Variants in DPYD observed in about 807,000 individuals in gnomAD.
DPYD encodes the protein dihydropyrimidine dehydrogenase, also known as dihydropyrimidine dehydrogenase [NADP(+)].
In DPYD, 109 loss-of-function variants were observed where a neutral mutation model predicts 116.2. The ratio of observed to expected loss-of-function variants is 0.94; its 90% CI spans 0.80 to 1.10. The LOEUF (loss-of-function observed/expected upper bound fraction) is 1.10, where lower values mean the gene tolerates loss of function less well. Among genes scored for constraint, DPYD ranks in the 50% least tolerant of loss-of-function variants. The pLI is 0.00. For missense variants in DPYD, 1,302 were observed against 1,254.5 expected, an observed-to-expected ratio of 1.04 and a Z score of -0.57; for synonymous variants, 440 against 432.0, an observed-to-expected ratio of 1.02 and a Z score of -0.23.
chr1:97,898,538 A>G (rs1673196013), intron 1 of DPYD, among the ~76,000 whole-genome samples: 1 of 151,918 alleles, frequency 6.6e-6, no homozygotes, highest in Non-Finnish European at 1.5e-5. Flanking sequence ...CTTGATAGCC[A>G]GTATCTTAAA....
chr1:97,771,064 T>A (rs1666114831), intron 3 of DPYD, among the ~76,000 whole-genome samples: 2 of 152,094 alleles, frequency 1.3e-5, no homozygotes, highest in Non-Finnish European at 2.9e-5. Context: ...ATGCCTGTAA[T>A]CCCAGTACTT....
chr1:97,851,725 A>T (rs1303224039), intron 2 of DPYD, among the ~76,000 whole-genome samples: 1 of 151,018 alleles, frequency 6.6e-6, no homozygotes, highest in Non-Finnish European at 1.5e-5. Context: ...AAAAAAAAAG[A>T]AACTGGGCTC....
At chr1:97,297,990 T>C (rs552549198) in intron 18 of DPYD, among the ~76,000 whole-genome samples, 39 of 152,274 alleles carry the variant, frequency 2.6e-4, no homozygotes, top group Admixed American at 1.1e-3. Flanking sequence ...TATTCCCTAC[T>C]CTGAGACCTC....
At chr1:97,670,930 T>A (rs1477151764) in intron 8 of DPYD, among the ~76,000 whole-genome samples, 2 of 152,292 alleles carry the variant, frequency 1.3e-5, no homozygotes, top group East Asian at 3.9e-4. Flanking sequence ...GTAAAATATG[T>A]CTTTATTCCA....
intron 10 of DPYD, among the ~76,000 whole-genome samples, chr1:97,584,544 G>C (rs1279132893): frequency 2.0e-5 from 3 of 151,836 alleles, no homozygotes; most frequent in Admixed American, 6.6e-5. Context: ...ATGGTTTTAG[G>C]TCTAACATGT....
chr1:97,653,768 T>G (rs1213050818), intron 8 of DPYD, among the ~76,000 whole-genome samples: 4 of 152,126 alleles, frequency 2.6e-5, no homozygotes, highest in Non-Finnish European at 5.9e-5. Context: ...CTGCAATATT[T>G]TTGTACTAAG....
chr1:97,320,167 T>C (rs915555169), intron 16 of DPYD, among the ~76,000 whole-genome samples: 4 of 125,148 alleles, frequency 3.2e-5, no homozygotes, highest in African/African-American at 1.2e-4. Context: ...CTTTGAAAAC[T>C]GGCACAAGAC....
intron 15 of DPYD, among the ~76,000 whole-genome samples, chr1:97,375,347 A>G (rs1440328013): frequency 6.6e-6 from 1 of 152,136 alleles, no homozygotes; most frequent in Non-Finnish European, 1.5e-5. Context: ...GTGAATTTTA[A>G]GTAGGACCTC....
intron 20 of DPYD, among the ~76,000 whole-genome samples, chr1:97,181,412 C>A (rs1307131584): frequency 6.6e-6 from 1 of 152,086 alleles, no homozygotes; most frequent in African/African-American, 2.4e-5. Context: ...TCCCTTCTGC[C>A]TATTTTAGGA....
intron 13 of DPYD, among the ~76,000 whole-genome samples, chr1:97,508,593 T>G (rs950594740): frequency 1.3e-5 from 2 of 152,014 alleles, no homozygotes; most frequent in Non-Finnish European, 2.9e-5. Context: ...AAGTCCTCAG[T>G]GTAAATGCTC....
intron 3 of DPYD, among the ~76,000 whole-genome samples, chr1:97,788,052 A>G (rs1667132233): frequency 6.6e-6 from 1 of 152,148 alleles, no homozygotes; most frequent in African/African-American, 2.4e-5. Context: ...AAACCCTCCC[A>G]TCCCTGTATG....
At chr1:97,195,683 T>TGC (rs1658752784) in intron 19 of DPYD, among the ~76,000 whole-genome samples, 1 of 98,542 alleles carries the variant, frequency 1.0e-5, no homozygotes, top group Admixed American at 1.3e-4. Context: ...TATATATATA[T>TGC]ATATATGCCT....
chr1:97,367,125 G>T (rs1671080211), intron 16 of DPYD, among the ~76,000 whole-genome samples: 2 of 152,030 alleles, frequency 1.3e-5, no homozygotes, highest in South Asian at 2.1e-4. Flanking sequence ...GGAAATTCTA[G>T]CACATCTGGG....
intron 16 of DPYD, among the ~76,000 whole-genome samples, chr1:97,342,085 ATG>A (rs1558042382): frequency 6.6e-6 from 1 of 152,238 alleles, no homozygotes; most frequent in Non-Finnish European, 1.5e-5. Context: ...TCTTGAGTCA[ATG>A]AATTTATTTC....
chr1:97,835,294 G>A (rs759336790), intron 2 of DPYD, among the ~76,000 whole-genome samples: 1 of 152,006 alleles, frequency 6.6e-6, no homozygotes, highest in Non-Finnish European at 1.5e-5. Context: ...CAATGAAGAT[G>A]ATGAAAGTAA....
At chr1:97,323,292 A>ACG (rs1668431315) in intron 16 of DPYD, among the ~76,000 whole-genome samples, 1 of 148,164 alleles carries the variant, frequency 6.7e-6, no homozygotes, top group African/African-American at 2.5e-5. Context: ...ATATATACAT[A>ACG]TGTGTATATG....
intron 4 of DPYD, among the ~76,000 whole-genome samples, chr1:97,736,972 C>T (rs1265902399): frequency 6.6e-6 from 1 of 151,906 alleles, no homozygotes; most frequent in Non-Finnish European, 1.5e-5. Context: ...AAAAAAGATA[C>T]TCCATCACCA....
chr1:97,735,520 C>CAA (rs767245436), intron 4 of DPYD, among the ~76,000 whole-genome samples: 12 of 99,858 alleles, frequency 1.2e-4, no homozygotes, highest in African/African-American at 4.3e-4. Flanking sequence ...AATAAAAATA[C>CAA]AAAAAAAAAA....
At chr1:97,269,322 G>A (rs965311478) in intron 18 of DPYD, among the ~76,000 whole-genome samples, 1 of 152,118 alleles carries the variant, frequency 6.6e-6, no homozygotes, top group Non-Finnish European at 1.5e-5. Context: ...TGTAGCTCTT[G>A]TCTTCTTCTG....
Sources: allele counts gnomAD v4.1 joint callset (sites outside exome capture counted in the v4.1 genomes callset), GRCh38; gene constraint gnomAD v4.1.1; transcripts MANE v1.5; gene names NCBI Gene and HGNC (gene_info 2026-07-23, HGNC 2026-07-21).